Variants in GDF1 observed in about 807,000 individuals in gnomAD.
GDF1 encodes embryonic growth/differentiation factor 1.
Under a neutral mutation model 7.4 loss-of-function variants are expected in GDF1, and 8 were observed. The observed-to-expected ratio is 1.09, with a 90% CI of 0.64 to 1.96. GDF1 has a LOEUF of 1.96. GDF1 is among the 30% of genes most tolerant of loss of function. GDF1 has a pLI of 0.00. For synonymous variants in GDF1, 311 were observed against 276.7 expected, an observed-to-expected ratio of 1.12 and a Z score of -1.23; for missense variants, 574 against 551.5, an observed-to-expected ratio of 1.04 and a Z score of -0.41.
intron 3 of GDF1, among the ~76,000 whole-genome samples, chr19:18,881,168 A>G (rs1054197653): frequency 3.9e-4 from 58 of 150,306 alleles, no homozygotes; most frequent in African/African-American, 1.4e-3. Flanking sequence ...CAGCCTGGCC[A>G]TCGCTGCAGG....
At chr19:18,887,385 G>A (rs530472591) in intron 2 of GDF1, among the ~76,000 whole-genome samples, 43 of 152,262 alleles carry the variant, frequency 2.8e-4, no homozygotes, top group African/African-American at 9.6e-4. Flanking sequence ...ATGGGACGGG[G>A]TTTCCTTTTG....
Position 18,868,623 on chromosome 19 carries a change from CCAT to C in GDF1, c.1090_1092del (p.Met364del), listed in dbSNP as rs753643819. 1 of 1,571,492 alleles carries C rather than the reference CCAT, an allele frequency of 6.4e-7. No homozygotes were observed. On this transcript the variant is annotated inframe_deletion, in exon 8 of 8. Transcript: ENST00000247005. ...TAGCGGCAGCCGCACTCGTCCACCA[CCAT>C]GTCCTCATACTGCCGCAGCACCACG...
intron 2 of GDF1, among the ~76,000 whole-genome samples, chr19:18,885,285 C>T (rs534851301): frequency 2.0e-5 from 3 of 152,200 alleles, no homozygotes; most frequent in South Asian, 2.1e-4. Context: ...ACTGCAGCCT[C>T]GACCTCCTGG....
intron 2 of GDF1, among the ~76,000 whole-genome samples, chr19:18,890,731 T>G (rs1319239646): frequency 6.9e-6 from 1 of 144,432 alleles, no homozygotes; most frequent in Non-Finnish European, 1.5e-5. Context: ...CAGTGAGCTG[T>G]GATCGTGCCA....
In GDF1 at chr19:18,868,807, G is replaced by A. The variant is rs1172241719; in HGVS notation, c.909C>T (p.Pro303=). The change falls in exon 8 of 8, where the codon CCC becomes CCT. Residue 303 remains proline (P), a synonymous_variant. Coordinates refer to ENST00000247005, the MANE Select transcript of GDF1 (RefSeq NM_001492.6). ...ANYCQGQCAL[P]VALSGSGGPP... Reference sequence around the variant, plus strand: ...GCCCCCCGGACCCCGACAGCGCGACGGGCAGCGCGCACTGACCCTGGCAGT... The same window carrying A: ...GCCCCCCGGACCCCGACAGCGCGACAGGCAGCGCGCACTGACCCTGGCAGT... 1.4e-6 allele frequency: 2 copies of A among 1,456,048 alleles called. No homozygotes were observed. The highest frequency in any genetic ancestry group is 1.8e-6 in the Non-Finnish European group (2 of 1,094,014). 90.2% of individuals were successfully genotyped at this position (1,456,048 alleles called of 1,614,324 possible).
chr19:18,879,720 C>A (rs1280946649), intron 4 of GDF1, among the ~76,000 whole-genome samples: 1 of 149,058 alleles, frequency 6.7e-6, no homozygotes, highest in Non-Finnish European at 1.5e-5. Context: ...CTGCCCAGTC[C>A]CTCCCCTTTC....
Position 18,869,238 on chromosome 19 carries a change from C to G in GDF1, c.478G>C (p.Glu160Gln). 7.1e-7 allele frequency: 1 copy of G among 1,417,616 alleles called. No individual in the cohort carries two copies. The highest frequency in any genetic ancestry group is 9.1e-7 in the Non-Finnish European group (1 of 1,096,962). The allele number at this position is 1,417,616 out of a possible 1,614,324, so 87.8% of individuals were successfully genotyped here. ...RFAAAAAAAPEGGWELSVAQA... is the reference protein window; with the variant it reads ...RFAAAAAAAPQGGWELSVAQA... ...GCCACGCTCAGCTCCCAGCCGCCCT[C>G]CGGGGCTGCCGCCGCCGCCGCCGCG... Residue 160 changes from glutamate to glutamine, a missense_variant, in exon 8 of 8, where the codon GAG becomes CAG. Transcript: ENST00000247005.
At position 18,896,115 on chromosome 19, in the gene GDF1, C is replaced by T; in HGVS notation, c.-1365G>A. 1 of 784,502 alleles carries T rather than the reference C, an allele frequency of 1.3e-6. No homozygotes were observed. The highest frequency in any genetic ancestry group is 1.5e-6 in the Non-Finnish European group (1 of 649,424). 48.6% of individuals were successfully genotyped at this position (784,502 alleles called of 1,614,324 possible). A position where few individuals can be genotyped will look rare whatever the true frequency, so the allele number is the denominator to read the frequency against. ...CGTGCCCGTCGCCTGCGCCCGCCCG[C>T]GGTAGCCGACGGAGCCGCGCGCCCC... On this transcript the variant is annotated 5_prime_UTR_variant, in exon 1 of 8. Coordinates refer to ENST00000247005, the MANE Select transcript of GDF1 (RefSeq NM_001492.6). The surrounding 1 kb of genome is among the most constrained non-coding windows in gnomAD (Gnocchi z 5.9).
rs760259309 is a variant in GDF1, at chr19:18,879,280, G to A, written c.-462C>T. 1 of 1,613,508 alleles carries A rather than the reference G, an allele frequency of 6.2e-7. No individual in the cohort carries two copies. Among genetic ancestry groups the A allele is most frequent in the East Asian group, 2.2e-5 (1 of 44,874 alleles). On this transcript the variant is annotated 5_prime_UTR_variant, in exon 5 of 8. Coordinates refer to ENST00000247005, the MANE Select transcript of GDF1 (RefSeq NM_001492.6). Reference sequence around the variant, plus strand: ...GGTTCATAAGGGTGAGCAGCAGCAGGAGCGCATTGAAGAAGAAGTAGAAGG... The same window carrying A: ...GGTTCATAAGGGTGAGCAGCAGCAGAAGCGCATTGAAGAAGAAGTAGAAGG...
At chr19:18,883,953 C>G (rs776076783) in intron 3 of GDF1, 134 bp downstream of exon 3, 12 of 953,842 alleles carry the variant, frequency 1.3e-5, no homozygotes, top group Non-Finnish European at 1.8e-5. Context: ...CCTGAGCACT[C>G]TGACCTTGGA....
chr19:18,881,155 G>A (rs772171631), intron 3 of GDF1, among the ~76,000 whole-genome samples: 2 of 151,700 alleles, frequency 1.3e-5, no homozygotes, highest in African/African-American at 4.9e-5. Context: ...AGGTCTGTAC[G>A]TGCAGCCTGG....
chr19:18,880,957 C>T (rs1475289237), intron 3 of GDF1, among the ~76,000 whole-genome samples: 1 of 152,176 alleles, frequency 6.6e-6, no homozygotes, highest in African/African-American at 2.4e-5. Context: ...CCTTGGCCTC[C>T]CAAAGTGCTG....
chr19:18,880,166 A>T, intron 4 of GDF1, 108 bp downstream of exon 4: 1 of 997,434 alleles, frequency 1.0e-6, no homozygotes, highest in Non-Finnish European at 1.3e-6. Flanking sequence ...CCACACACCC[A>T]CCTCACCGGG....
intron 7 of GDF1, 119 bp downstream of exon 7, chr19:18,869,864 G>T (rs2055932694): frequency 1.0e-6 from 1 of 982,298 alleles, no homozygotes; most frequent in East Asian, 2.6e-5. Context: ...GTTGCTAGTA[G>T]CCTGGACAGG....
At chr19:18,886,358 G>C (rs943964786) in intron 2 of GDF1, among the ~76,000 whole-genome samples, 1 of 152,122 alleles carries the variant, frequency 6.6e-6, no homozygotes, top group Non-Finnish European at 1.5e-5. Flanking sequence ...GACCATCCTG[G>C]TTAACACAGT....
At position 18,896,127 on chromosome 19, in the gene GDF1, GAGC is replaced by G. The variant is rs980993143; in HGVS notation, c.-1380_-1378del. On this transcript the variant is annotated 5_prime_UTR_variant, in exon 1 of 8. Coordinates refer to ENST00000247005, the MANE Select transcript of GDF1 (RefSeq NM_001492.6). The surrounding 1 kb of genome is among the most constrained non-coding windows in gnomAD (Gnocchi z 5.9). ...CTGCGCCCGCCCGCGGTAGCCGACG[GAGC>G]CGCGCGCCCCGCGTCACGCGCCGCA... The G allele has an allele frequency of 1.4e-6, 1 of 706,046 alleles. No individual in the cohort carries two copies. Among genetic ancestry groups the G allele is most frequent in the African/African-American group, 2.0e-5 (1 of 51,250 alleles). The allele number at this position is 706,046 out of a possible 1,614,324, so 43.7% of individuals were successfully genotyped here.
chr19:18,895,953 G>A lies in GDF1; in HGVS notation c.-1203C>T, dbSNP rs1460048256. 1 of 1,141,282 alleles carries A rather than the reference G, an allele frequency of 8.8e-7. No homozygotes were observed. 70.7% of individuals were successfully genotyped at this position (1,141,282 alleles called of 1,614,324 possible). On this transcript the variant is annotated 5_prime_UTR_variant, in exon 1 of 8. Transcript: ENST00000247005. The surrounding 1 kb of genome is among the most constrained non-coding windows in gnomAD (Gnocchi z 6.4). ...GGCCGCGACGCGCCAGCCCCCAGCC[G>A]CAGTCCGTGCAGCCCCGCGCCGCCG...
At position 18,869,038 on chromosome 19, in the gene GDF1, G is replaced by T; in HGVS notation, c.678C>A (p.Ala226=). Reference sequence around the variant, plus strand: ...GCGAGGCCTCGGCCAGGCGCGCGCAGGCGGCAGGGGCCCGGGGGCGTAGCG... The same window carrying T: ...GCGAGGCCTCGGCCAGGCGCGCGCATGCGGCAGGGGCCCGGGGGCGTAGCG... ...ALALRPRAPA[A]CARLAEASLL... The change falls in exon 8 of 8, where the codon GCC becomes GCA. Residue 226 remains alanine, a synonymous_variant. Transcript: ENST00000247005. The T allele has an allele frequency of 9.3e-7, 1 of 1,071,622 alleles. No homozygotes were observed. Among genetic ancestry groups the T allele is most frequent in the South Asian group, 4.3e-5 (1 of 23,124 alleles). The allele number at this position is 1,071,622 out of a possible 1,614,324, so 66.4% of individuals were successfully genotyped here.
Position 18,869,350 on chromosome 19 carries a change from C to A in GDF1, c.366G>T (p.Gly122=), listed in dbSNP as rs1458924719. ...TRASEPASAA[G]HCPEWTVVFD... is the part of the protein sequence containing the mutation. ...AGACGACTGTCCACTCAGGGCAATG[C>A]CCCGCGGCCGAGGCAGGCTCCGAGG... The change falls in exon 8 of 8, where the codon GGG becomes GGT. Residue 122 remains glycine, a synonymous_variant. Coordinates refer to ENST00000247005, the MANE Select transcript of GDF1 (RefSeq NM_001492.6). 3.9e-6 allele frequency: 6 copies of A among 1,532,036 alleles called. No individual in the cohort carries two copies. Among genetic ancestry groups the A allele is most frequent in the Non-Finnish European group, 5.2e-6 (6 of 1,146,524 alleles). 94.9% of individuals were successfully genotyped at this position (1,532,036 alleles called of 1,614,324 possible). A position where few individuals can be genotyped will look rare whatever the true frequency, so the allele number is the denominator to read the frequency against.
Sources: allele counts gnomAD v4.1 joint callset (sites outside exome capture counted in the v4.1 genomes callset), GRCh38; gene constraint gnomAD v4.1.1; non-coding constraint Gnocchi (gnomAD v3.1); transcripts MANE v1.5; gene names NCBI Gene and HGNC (gene_info 2026-07-23, HGNC 2026-07-21).